THSD4: variants seen among roughly 807,000 people sequenced by gnomAD.
The protein encoded by THSD4 is thrombospondin type 1 domain containing 4.
THSD4 carries 69 observed loss-of-function variants against 119.0 expected under a neutral mutation model. The ratio of observed to expected loss-of-function variants is 0.58; its 90% CI spans 0.48 to 0.71. The LOEUF (loss-of-function observed/expected upper bound fraction) is 0.71. Among genes scored for constraint, THSD4 ranks in the 30% least tolerant of loss-of-function variants. The probability of loss-of-function intolerance (pLI) is 0.00; values close to 1 mark genes in which losing one functional copy is unlikely to be tolerated. For missense variants in THSD4, 1,393 were observed against 1,391.1 expected (o/e 1.00, Z -0.02); for synonymous variants, 524 against 540.4 (o/e 0.97, Z 0.42).
At chr15:71,489,677 G>C (rs1361464957) in intron 7 of THSD4, among the ~76,000 whole-genome samples, 5 of 152,100 alleles carry the variant, frequency 3.3e-5, no homozygotes, top group African/African-American at 1.2e-4. Context: ...AAAAAAATTT[G>C]ATGTTTGTCT....
chr15:71,638,870 G>C (rs867298408), intron 7 of THSD4, among the ~76,000 whole-genome samples: 4 of 152,184 alleles, frequency 2.6e-5, no homozygotes, highest in Admixed American at 2.0e-4. Context: ...TCTCATACTT[G>C]TTCATAAAGA....
intron 6 of THSD4, among the ~76,000 whole-genome samples, chr15:71,305,108 T>C (rs2045006756): frequency 6.6e-6 from 1 of 152,122 alleles, no homozygotes; most frequent in Non-Finnish European, 1.5e-5. Flanking sequence ...CCTAACGAGG[T>C]AGGAGATGTT....
rs543849470 is a variant in THSD4, at chr15:71,353,363, CACTT to C, written c.1016-58322_1016-58319del. On this transcript the variant is annotated intron_variant, in intron 6 of 17. Transcript: ENST00000261862. ...ATTGTGTCCACTTTTTATTAGCAAACACTTAATCTGATTGCAAAAGAAACCATCA... is the reference window on the plus strand; with the variant it reads ...ATTGTGTCCACTTTTTATTAGCAAACAATCTGATTGCAAAAGAAACCATCA... Among the ~76,000 whole-genome samples, 526 of 152,258 alleles carry C rather than the reference CACTT, an allele frequency of 3.5e-3. 5 individuals are homozygous for C. Among genetic ancestry groups the C allele is most frequent in the East Asian group, 0.014 (71 of 5,182 alleles).
In THSD4 at chr15:71,551,202, T is replaced by TAA. The variant is rs1488287393; in HGVS notation, c.1153-109328_1153-109327insAA. ...AAAAGCAAATTGAATGTGCATAAAA[T>TAA]GCTCCCATTGTGTAAAATGTGTTAT... is the stretch of plus-strand genomic sequence containing the variant. On this transcript the variant is annotated intron_variant, in intron 7 of 17. Transcript: ENST00000261862. Among the ~76,000 whole-genome samples the TAA allele has an allele frequency of 2.0e-5, 3 of 152,252 alleles. No individual in the cohort carries two copies. In the East Asian group the frequency reaches 5.8e-4, roughly 29 times the overall value.
chr15:71,449,440 T>C (rs4238437), intron 7 of THSD4, among the ~76,000 whole-genome samples: 114,318 of 152,034 alleles, frequency 0.75, 43,180 homozygotes, highest in Admixed American at 0.83. Flanking sequence ...TATTGTGTGG[T>C]CTTGGGCAGG....
intron 7 of THSD4, among the ~76,000 whole-genome samples, chr15:71,584,389 C>T (rs1021589397): frequency 1.3e-5 from 2 of 150,514 alleles, no homozygotes; most frequent in African/African-American, 4.9e-5. Context: ...CTGCCTCAGC[C>T]TCCTAAGTAG....
chr15:71,349,082 G>A (rs1025412380), intron 6 of THSD4, among the ~76,000 whole-genome samples: 1 of 129,174 alleles, frequency 7.7e-6, no homozygotes, highest in South Asian at 2.7e-4. Context: ...GCCACGTGGA[G>A]TGGTAGGAAA....
chr15:71,237,307 G>A (rs974579990), intron 4 of THSD4, among the ~76,000 whole-genome samples: 5 of 152,162 alleles, frequency 3.3e-5, no homozygotes, highest in Admixed American at 6.5e-5. Flanking sequence ...TTCTCAGGCC[G>A]TGCCCTAGAC....
Position 71,705,883 on chromosome 15 carries a change from C to T in THSD4, c.1358-22666C>T, listed in dbSNP as rs529236290. On this transcript the variant is annotated intron_variant, in intron 8 of 17. Transcript: ENST00000261862. ...CCTGAAAGAAATACAGAAACTGTGA[C>T]GGTAATCCAGAGTGGGGAGACATTA... Among the ~76,000 whole-genome samples the T allele has an allele frequency of 1.5e-4, 23 of 152,196 alleles. No homozygotes were observed. In the East Asian group the frequency reaches 2.9e-3, roughly 19 times the overall value.
chr15:71,568,924 A>G (rs2049296271), intron 7 of THSD4, among the ~76,000 whole-genome samples: 1 of 152,130 alleles, frequency 6.6e-6, no homozygotes, highest in African/African-American at 2.4e-5. Flanking sequence ...CCTATGCATG[A>G]TTTTTGTTAA....
At chr15:71,486,891 T>C (rs1264088893) in intron 7 of THSD4, among the ~76,000 whole-genome samples, 1 of 152,164 alleles carries the variant, frequency 6.6e-6, no homozygotes, top group East Asian at 1.9e-4. Flanking sequence ...TTCGGGGTCC[T>C]GCAAAACCAG....
chr15:71,547,008 CTCCCTGCCTCA>C (rs2048846817), intron 7 of THSD4, among the ~76,000 whole-genome samples: 1 of 152,220 alleles, frequency 6.6e-6, no homozygotes. Context: ...TCACTGCCTC[CTCCCTGCCTCA>C]GTGGACGAGG....
Position 71,589,776 on chromosome 15 carries a change from T to C in THSD4, c.1153-70754T>C. 1.4e-5 allele frequency among the ~76,000 whole-genome samples: 2 copies of C among 139,390 alleles called. 1 individual carries two copies. The highest frequency in any genetic ancestry group is 3.3e-5 in the Non-Finnish European group (2 of 61,224). The allele number at this position is 139,390 out of a possible 152,430, so 91.4% of individuals were successfully genotyped here. A position where few individuals can be genotyped will look rare whatever the true frequency, so the allele number is the denominator to read the frequency against. On this transcript the variant is annotated intron_variant, in intron 7 of 17. Coordinates refer to ENST00000261862, the MANE Select transcript of THSD4 (RefSeq NM_024817.3). ...TAATGTTGCTAGCAGCACTGTTTATTATCACCAATAATTGGAAACATTCTC... is the reference window on the plus strand; with the variant it reads ...TAATGTTGCTAGCAGCACTGTTTATCATCACCAATAATTGGAAACATTCTC...
At chr15:71,130,039 T>TG (rs2040489224) in intron 1 of THSD4, among the ~76,000 whole-genome samples, 1 of 152,098 alleles carries the variant, frequency 6.6e-6, no homozygotes, top group African/African-American at 2.4e-5. Flanking sequence ...CCAGAGTGAA[T>TG]GGGGCAGAGC....
Position 71,354,811 on chromosome 15 carries a change from C to A in THSD4, c.1016-56876C>A, listed in dbSNP as rs567227270. ...AATAAATCCTACATCACTGTCCAGA[C>A]AAGATGTGGGCTGAGAGTGGTGGCC... On this transcript the variant is annotated intron_variant, in intron 6 of 17. Coordinates refer to ENST00000261862, the MANE Select transcript of THSD4 (RefSeq NM_024817.3). 1.9e-4 allele frequency among the ~76,000 whole-genome samples: 29 copies of A among 152,328 alleles called. No individual in the cohort carries two copies. The East Asian group carries it at 5.2e-3, about 27-fold the overall frequency.
At chr15:71,756,974 T>C (rs998880938) in intron 14 of THSD4, among the ~76,000 whole-genome samples, 1 of 152,162 alleles carries the variant, frequency 6.6e-6, no homozygotes, top group African/African-American at 2.4e-5. Flanking sequence ...AAGTGAAGAT[T>C]TTATCCCTAT....
chr15:71,141,579 A>G, intron 2 of THSD4, 23 bp downstream of exon 2: 1 of 1,601,452 alleles, frequency 6.2e-7, no homozygotes, highest in East Asian at 2.2e-5. Flanking sequence ...ACTTTTTTTA[A>G]AAAAACAGGA....
At chr15:71,612,151 G>A (rs1016519012) in intron 7 of THSD4, among the ~76,000 whole-genome samples, 1 of 152,214 alleles carries the variant, frequency 6.6e-6, no homozygotes, top group Non-Finnish European at 1.5e-5. Context: ...GTGTGGTCAG[G>A]GAGGGGCCAG....
intron 3 of THSD4, among the ~76,000 whole-genome samples, chr15:71,162,170 C>T (rs977533416): frequency 5.3e-5 from 8 of 151,910 alleles, no homozygotes; most frequent in Admixed American, 2.0e-4. Context: ...TACATAACAC[C>T]ATTACAGCAC....
Sources: gnomAD v4.1 joint callset for allele counts (sites outside exome capture counted in the v4.1 genomes callset) on GRCh38, gnomAD v4.1.1 for gene constraint, MANE v1.5 for transcripts, NCBI Gene and HGNC (gene_info 2026-07-23, HGNC 2026-07-21) for gene names.